Variants in DDI2 observed in about 807,000 individuals in gnomAD.
The protein encoded by DDI2 is protein DDI1 homolog 2.
In DDI2, 5 loss-of-function variants were observed where a neutral mutation model predicts 48.1. The ratio of observed to expected loss-of-function variants is 0.10; its 90% CI spans 0.05 to 0.22. DDI2 has a LOEUF of 0.22. DDI2 is among the 10% of genes least tolerant of loss of function. DDI2 has a pLI of 1.00. For synonymous variants in DDI2, 205 were observed against 183.6 expected (o/e 1.12, Z -0.94); for missense variants, 285 against 506.2 (o/e 0.56, Z 4.19).
chr1:15,618,592 G>A (rs1318929117), intron 1 of DDI2, among the ~76,000 whole-genome samples: 1 of 152,192 alleles, frequency 6.6e-6, no homozygotes, highest in Non-Finnish European at 1.5e-5. Context: ...TAGTATCAGT[G>A]CTGTTTGGTG....
At position 15,623,387 on chromosome 1, in the gene DDI2, CT is replaced by C. The variant is rs777821777; in HGVS notation, c.139-3260del. On this transcript the variant is annotated intron_variant, in intron 1 of 9. Transcript: ENST00000480945. Reference sequence around the variant, plus strand: ...CAGTTCCAATTGCAGTTTTCTTCTTCTTTTTTTTTTTTTTTTTTTTTTAAGA... The same window carrying C: ...CAGTTCCAATTGCAGTTTTCTTCTTCTTTTTTTTTTTTTTTTTTTTTAAGA... Among the ~76,000 whole-genome samples, 425 of 107,490 alleles carry C rather than the reference CT, an allele frequency of 4.0e-3. 3 individuals are homozygous for C. Among genetic ancestry groups the C allele is most frequent in the African/African-American group, 9.5e-3 (254 of 26,602 alleles). The allele number at this position is 107,490 out of a possible 152,430, so 70.5% of individuals were successfully genotyped here.
At chr1:15,632,845 G>C (rs2103466560) in intron 3 of DDI2, among the ~76,000 whole-genome samples, 1 of 151,012 alleles carries the variant, frequency 6.6e-6, no homozygotes, top group East Asian at 1.9e-4. Context: ...ATTTTAAATT[G>C]GAAAGTTGTT....
At chr1:15,639,672 T>C (rs1348112632) in intron 5 of DDI2, among the ~76,000 whole-genome samples, 1 of 152,158 alleles carries the variant, frequency 6.6e-6, no homozygotes, top group Non-Finnish European at 1.5e-5. Context: ...CTGTATTGTG[T>C]AGGCTGATTG....
intron 4 of DDI2, among the ~76,000 whole-genome samples, chr1:15,634,901 G>A (rs1405990058): frequency 3.3e-5 from 5 of 151,808 alleles, no homozygotes; most frequent in Non-Finnish European, 7.4e-5. Context: ...CAAAGTGCTG[G>A]GATTACAAGT....
At position 15,666,317 on chromosome 1, in the gene DDI2, G is replaced by A. The variant is rs988560592; in HGVS notation, c.*6527G>A. 1.3e-5 allele frequency: 2 copies of A among 152,112 alleles called. No homozygotes were observed. Among genetic ancestry groups the A allele is most frequent in the African/African-American group, 4.8e-5 (2 of 41,412 alleles). The allele number at this position is 152,112 out of a possible 1,614,324, so 9.4% of individuals were successfully genotyped here. ...ATCAAATTTTGGTGGGGAATGAGAGGAGTATTAGGGGAAAGTTTGAAAATA... is the reference window on the plus strand; with the variant it reads ...ATCAAATTTTGGTGGGGAATGAGAGAAGTATTAGGGGAAAGTTTGAAAATA... On this transcript the variant is annotated 3_prime_UTR_variant, in exon 10 of 10. Coordinates refer to ENST00000480945, the MANE Select transcript of DDI2 (RefSeq NM_032341.5).
chr1:15,622,934 A>C (rs1459313237), intron 1 of DDI2, among the ~76,000 whole-genome samples: 1 of 152,224 alleles, frequency 6.6e-6, no homozygotes, highest in Non-Finnish European at 1.5e-5. Flanking sequence ...CGCCTCACCC[A>C]GGTTCTTCAG....
At chr1:15,659,193 A>G in intron 9 of DDI2, among the ~76,000 whole-genome samples, 1 of 152,168 alleles carries the variant, frequency 6.6e-6, no homozygotes, top group Non-Finnish European at 1.5e-5. Context: ...TCTGTCCCCA[A>G]GCATTATGTT....
In DDI2 at chr1:15,632,983, G is replaced by T. The variant is rs1322667779; in HGVS notation, c.506-456G>T. Among the ~76,000 whole-genome samples the T allele has an allele frequency of 8.3e-5, 12 of 144,174 alleles. No individual in the cohort carries two copies. The Admixed American group carries it at 8.6e-4, about 10-fold the overall frequency. 94.6% of individuals were successfully genotyped at this position (144,174 alleles called of 152,430 possible). ...TGTCACCCAGGCTGGAGTGTGTGGT[G>T]CGATCACAGCTCACTGCATCCTCGA... On this transcript the variant is annotated intron_variant, in intron 3 of 9. Transcript: ENST00000480945.
intron 4 of DDI2, among the ~76,000 whole-genome samples, chr1:15,635,585 A>G (rs767058256): frequency 6.6e-5 from 10 of 152,144 alleles, no homozygotes; most frequent in South Asian, 2.1e-4. Context: ...TGGTATTTTT[A>G]GTAAAGATGG....
chr1:15,651,848 C>T lies in DDI2; in HGVS notation c.1136C>T (p.Ala379Val). ...GREDVRPEEI[A>V]DQELAEALQK... The stretch of plus-strand genomic sequence containing the variant: ...GAGGATGTACGGCCAGAGGAGATTG[C>T]AGACCAAGAATTAGCAGAAGCCCTT... Residue 379 changes from alanine to valine, a missense_variant, in exon 8 of 10, where the codon GCA becomes GTA. By Grantham distance (64) the Ala-to-Val change is moderately conservative. This residue lies in a region of DDI2 where 66 missense variants were observed against 87.3 expected (regional missense o/e 0.76). Transcript: ENST00000480945. 6.2e-7 allele frequency: 1 copy of T among 1,613,694 alleles called. No homozygotes were observed.
At chr1:15,656,524 A>AG in intron 8 of DDI2, 93 bp from the exon 9 acceptor site, 15 of 1,609,692 alleles carry the variant, frequency 9.3e-6, no homozygotes, top group Non-Finnish European at 1.3e-5. Context: ...TCCTGATTTT[A>AG]AAGATGGCAA....
At chr1:15,637,400 C>G (rs1410903327) in intron 4 of DDI2, among the ~76,000 whole-genome samples, 1 of 152,132 alleles carries the variant, frequency 6.6e-6, no homozygotes, top group African/African-American at 2.4e-5. Context: ...TTTTTGGTGT[C>G]TCGCTCTGTC....
chr1:15,655,265 G>C (rs1315586465), intron 8 of DDI2, among the ~76,000 whole-genome samples: 1 of 152,044 alleles, frequency 6.6e-6, no homozygotes, highest in Non-Finnish European at 1.5e-5. Flanking sequence ...TTAGAACATC[G>C]ACTTCCTAAT....
At chr1:15,629,278 T>C (rs1243878066) in intron 2 of DDI2, among the ~76,000 whole-genome samples, 1 of 152,216 alleles carries the variant, frequency 6.6e-6, no homozygotes, top group Non-Finnish European at 1.5e-5. Context: ...CTAATATTTA[T>C]GCTGCTCACT....
rs1263174968 is a variant in DDI2 at position 15,617,669 on chromosome 1, C to T, written c.-2C>T. ...CGAGCCGAGCCGGGTCGGGCCCGGG[C>T]CATGCTGCTCACCGTGTACTGTGTG... is the stretch of plus-strand genomic sequence containing the variant. On this transcript the variant is annotated 5_prime_UTR_variant, in exon 1 of 10. Coordinates refer to ENST00000480945, the MANE Select transcript of DDI2 (RefSeq NM_032341.5). The T allele has an allele frequency of 2.0e-6, 3 of 1,516,442 alleles. No individual in the cohort carries two copies. Among genetic ancestry groups the T allele is most frequent in the Non-Finnish European group, 1.8e-6 (2 of 1,127,172 alleles). The allele number at this position is 1,516,442 out of a possible 1,614,324, so 93.9% of individuals were successfully genotyped here.
intron 9 of DDI2, chr1:15,656,888 G>C (rs1640282015): frequency 3.4e-6 from 2 of 580,552 alleles, no homozygotes; most frequent in Middle Eastern, 5.1e-4. Flanking sequence ...TTCGTTATTA[G>C]AACCATCCAA....
chr1:15,654,531 C>A (rs1254439052), intron 8 of DDI2, among the ~76,000 whole-genome samples: 1 of 151,908 alleles, frequency 6.6e-6, no homozygotes, highest in Admixed American at 6.6e-5. Flanking sequence ...GGTGGCGCGC[C>A]TATGGTCTCA....
chr1:15,656,405 C>G lies in DDI2; in HGVS notation c.1184-212C>G, dbSNP rs932462012. The stretch of plus-strand genomic sequence containing the variant: ...TTTCTTTACAAGATCTATTAAAAAT[C>G]TGTTGAAATTAACAGATTGCTGTGT... On this transcript the variant is annotated intron_variant, in intron 8 of 9. Coordinates refer to ENST00000480945, the MANE Select transcript of DDI2 (RefSeq NM_032341.5). The G allele has an allele frequency of 2.3e-5, 32 of 1,413,064 alleles. No individual in the cohort carries two copies. The East Asian group carries it at 8.0e-4, about 35-fold the overall frequency. The allele number at this position is 1,413,064 out of a possible 1,614,324, so 87.5% of individuals were successfully genotyped here. A position where few individuals can be genotyped will look rare whatever the true frequency, so the allele number is the denominator to read the frequency against.
chr1:15,626,125 AATTC>A (rs776339897), intron 1 of DDI2, among the ~76,000 whole-genome samples: 164 of 152,194 alleles, frequency 1.1e-3, no homozygotes, highest in Non-Finnish European at 2.1e-3. Flanking sequence ...CATTTCCATA[AATTC>A]ATTCATTCTT....
Sources: gnomAD v4.1 joint callset for allele counts (sites outside exome capture counted in the v4.1 genomes callset) on GRCh38, gnomAD v4.1.1 for gene constraint, gnomAD v4.1.1 regional missense constraint, MANE v1.5 for transcripts, NCBI Gene and HGNC (gene_info 2026-07-23, HGNC 2026-07-21) for gene names.